Variants in CCDC178 observed in about 807,000 individuals in gnomAD.
CCDC178 encodes coiled-coil domain-containing protein 178.
CCDC178 carries 126 observed loss-of-function variants against 117.4 expected under a neutral mutation model. The ratio of observed to expected loss-of-function variants is 1.07; its 90% CI spans 0.93 to 1.24. The LOEUF (loss-of-function observed/expected upper bound fraction) is 1.24. CCDC178 is among the 50% of genes most tolerant of loss of function. The pLI, the probability that CCDC178 is intolerant of heterozygous loss-of-function variation, is 0.00. For missense variants in CCDC178, 1,030 were observed against 986.9 expected (o/e 1.04, Z -0.59); for synonymous variants, 283 against 313.4 (o/e 0.90, Z 1.02).
chr18:33,341,233 G>T (rs956448212), intron 9 of CCDC178, among the ~76,000 whole-genome samples: 15 of 152,184 alleles, frequency 9.9e-5, no homozygotes, highest in African/African-American at 3.4e-4. Context: ...TAACCCTTTT[G>T]TTTTGGCCAA....
chr18:33,351,536 T>A (rs2062980642), intron 7 of CCDC178, among the ~76,000 whole-genome samples: 1 of 151,618 alleles, frequency 6.6e-6, no homozygotes, highest in Admixed American at 6.6e-5. Context: ...TTGATAGTAT[T>A]TTGTTGAGGA....
intron 22 of CCDC178, among the ~76,000 whole-genome samples, chr18:32,955,600 TA>T (rs756198953): frequency 1.3e-5 from 2 of 152,184 alleles, no homozygotes; most frequent in African/African-American, 4.8e-5. Context: ...AAGTATTTAT[TA>T]AATTAATGAA....
At chr18:33,356,949 T>C (rs976922396) in intron 6 of CCDC178, among the ~76,000 whole-genome samples, 5 of 152,032 alleles carry the variant, frequency 3.3e-5, no homozygotes, top group African/African-American at 4.8e-5. Flanking sequence ...ATTCACCACC[T>C]ATTCTCTCTG....
At chr18:33,089,639 A>G (rs1370179949) in intron 21 of CCDC178, among the ~76,000 whole-genome samples, 6 of 152,192 alleles carry the variant, frequency 3.9e-5, no homozygotes, top group African/African-American at 1.4e-4. Flanking sequence ...TTTGGAAGCC[A>G]TCTTGTTTTC....
At chr18:32,950,723 TAA>T (rs1279738594) in intron 22 of CCDC178, among the ~76,000 whole-genome samples, 1 of 152,138 alleles carries the variant, frequency 6.6e-6, no homozygotes, top group Non-Finnish European at 1.5e-5. Flanking sequence ...CAGGTAAGAT[TAA>T]ACTTTAGATG....
chr18:33,295,154 T>C (rs9950341), intron 11 of CCDC178, among the ~76,000 whole-genome samples: 10,979 of 152,068 alleles, frequency 0.072, 620 homozygotes, highest in African/African-American at 0.15. Flanking sequence ...GACCCAGAAA[T>C]AGAGCTACAC....
intron 21 of CCDC178, among the ~76,000 whole-genome samples, chr18:32,979,065 CTATA>C (rs900489355): frequency 1.3e-5 from 2 of 151,096 alleles, no homozygotes; most frequent in Non-Finnish European, 3.0e-5. Flanking sequence ...AAAAAAAAGT[CTATA>C]TGAGAAATCC....
intron 20 of CCDC178, among the ~76,000 whole-genome samples, chr18:33,167,836 CA>C (rs1244921571): frequency 6.6e-6 from 1 of 151,846 alleles, no homozygotes; most frequent in African/African-American, 2.4e-5. Context: ...CACTGCACTC[CA>C]GCCTGGGTGA....
chr18:32,966,459 T>A (rs1173171973), intron 22 of CCDC178, among the ~76,000 whole-genome samples: 1 of 151,864 alleles, frequency 6.6e-6, no homozygotes, highest in African/African-American at 2.4e-5. Flanking sequence ...TATATGACCC[T>A]TTAAAAAATG....
intron 9 of CCDC178, among the ~76,000 whole-genome samples, chr18:33,344,394 G>A (rs534570220): frequency 3.3e-5 from 5 of 150,392 alleles, no homozygotes; most frequent in African/African-American, 4.9e-5. Flanking sequence ...GTAAAATAAC[G>A]CAGACGAACA....
intron 16 of CCDC178, 53 bp downstream of exon 16, chr18:33,226,740 A>T (rs963582477): frequency 4.7e-6 from 6 of 1,278,826 alleles, no homozygotes; most frequent in Non-Finnish European, 4.4e-6. Flanking sequence ...TAAAATGCTA[A>T]GTAAAATGCA....
chr18:33,172,471 G>A (rs1345064856), intron 20 of CCDC178, among the ~76,000 whole-genome samples: 2 of 151,822 alleles, frequency 1.3e-5, no homozygotes, highest in African/African-American at 2.4e-5. Flanking sequence ...TTGAATCAAA[G>A]CTATAATAAT....
chr18:33,357,303 T>C (rs763308141), intron 6 of CCDC178, among the ~76,000 whole-genome samples: 3 of 152,148 alleles, frequency 2.0e-5, no homozygotes, highest in East Asian at 1.9e-4. Context: ...AACCTCTAAA[T>C]TGATTAAGAC....
chr18:33,386,798 A>T (rs1207081318), intron 5 of CCDC178, among the ~76,000 whole-genome samples: 2 of 152,178 alleles, frequency 1.3e-5, no homozygotes, highest in Admixed American at 6.5e-5. Context: ...TCCCCTTGAA[A>T]ATAGGTATAA....
chr18:33,333,399 A>C lies in CCDC178; in HGVS notation c.659-5T>G. 2.0e-6 allele frequency: 3 copies of C among 1,479,600 alleles called. No homozygotes were observed. The highest frequency in any genetic ancestry group is 2.8e-6 in the Non-Finnish European group (3 of 1,077,574). The allele number at this position is 1,479,600 out of a possible 1,614,324, so 91.7% of individuals were successfully genotyped here. Reference sequence around the variant, plus strand: ...CACTCAAATAGGCCTCATGTTCTAGATATAGAAGGATAAGAACAAAAGAAA... The same window carrying C: ...CACTCAAATAGGCCTCATGTTCTAGCTATAGAAGGATAAGAACAAAAGAAA... On this transcript the variant is annotated splice_region_variant and splice_polypyrimidine_tract_variant and intron_variant, in intron 9 of 22. Transcript: ENST00000383096.
chr18:33,160,349 A>G (rs534294683), intron 20 of CCDC178, among the ~76,000 whole-genome samples: 2 of 152,296 alleles, frequency 1.3e-5, no homozygotes, highest in East Asian at 3.9e-4. Flanking sequence ...TACTTGACAT[A>G]TATGTCTTTT....
intron 15 of CCDC178, 123 bp downstream of exon 15, chr18:33,245,122 G>T: frequency 1.1e-6 from 1 of 919,550 alleles, no homozygotes; most frequent in Non-Finnish European, 1.5e-6. Flanking sequence ...TTTATAAGAA[G>T]TGAGTTTTTG....
chr18:32,958,155 T>G (rs756402415), intron 22 of CCDC178: 1 of 542,038 alleles, frequency 1.8e-6, no homozygotes, highest in South Asian at 2.1e-5. Flanking sequence ...ACATTACGTT[T>G]GAAGTGGTTC....
At chr18:33,227,301 T>A (rs1274302018) in intron 15 of CCDC178, among the ~76,000 whole-genome samples, 4 of 151,264 alleles carry the variant, frequency 2.6e-5, no homozygotes, top group South Asian at 2.1e-4. Context: ...TTTTTTTTTT[T>A]AAATCATACC....
Sources: allele counts gnomAD v4.1 joint callset (sites outside exome capture counted in the v4.1 genomes callset), GRCh38; gene constraint gnomAD v4.1.1; transcripts MANE v1.5; gene names NCBI Gene and HGNC (gene_info 2026-07-23, HGNC 2026-07-21).